SPECC1: variants seen among roughly 807,000 people sequenced by gnomAD.
The protein encoded by SPECC1 is cytospin-B.
In SPECC1, 62 loss-of-function variants were observed where a neutral mutation model predicts 104.1. That is an observed-to-expected ratio of 0.60 (90% CI 0.49 to 0.74). The LOEUF is 0.74. Among genes scored for constraint, SPECC1 ranks in the 30% least tolerant of loss-of-function variants. SPECC1 has a pLI of 0.00. For synonymous variants in SPECC1, 513 were observed against 501.6 expected, an observed-to-expected ratio of 1.02 and a Z score of -0.30; for missense variants, 1,306 against 1,310.5, an observed-to-expected ratio of 1.00 and a Z score of 0.05.
chr17:20,056,777 A>T (rs553017746), intron 1 of SPECC1: 1 of 152,248 alleles, frequency 6.6e-6, no homozygotes, highest in African/African-American at 2.4e-5. Flanking sequence ...AATCAATAGT[A>T]TGGGTAGAAG....
intron 12 of SPECC1, among the ~76,000 whole-genome samples, chr17:20,295,831 T>G (rs917084776): frequency 1.3e-5 from 2 of 152,244 alleles, no homozygotes; most frequent in African/African-American, 4.8e-5. Context: ...TTGAGCAGTT[T>G]CTGTTCATAT....
intron 12 of SPECC1, among the ~76,000 whole-genome samples, chr17:20,292,212 C>G (rs907081083): frequency 1.3e-5 from 2 of 152,076 alleles, no homozygotes; most frequent in Non-Finnish European, 2.9e-5. Context: ...AAACCAGACC[C>G]TCTGTTAGAG....
intron 12 of SPECC1, among the ~76,000 whole-genome samples, chr17:20,281,009 G>A (rs923097504): frequency 2.6e-5 from 4 of 152,170 alleles, no homozygotes; most frequent in South Asian, 2.1e-4. Context: ...AGGAAGGAGC[G>A]GGTCACAGTT....
chr17:20,211,314 T>G (rs774335304), intron 4 of SPECC1, among the ~76,000 whole-genome samples: 164 of 152,342 alleles, frequency 1.1e-3, no homozygotes, highest in Middle Eastern at 6.8e-3. Flanking sequence ...TGTGGCTTCA[T>G]GCTGGGAAGG....
chr17:20,141,179 C>G (rs1199286390), intron 3 of SPECC1, among the ~76,000 whole-genome samples: 12 of 152,222 alleles, frequency 7.9e-5, no homozygotes, highest in Non-Finnish European at 1.5e-5. Context: ...CTCCTTTCAA[C>G]AGGGCATGCT....
intron 4 of SPECC1, among the ~76,000 whole-genome samples, chr17:20,208,324 C>G (rs1369381345): frequency 6.6e-6 from 1 of 152,208 alleles, no homozygotes; most frequent in Non-Finnish European, 1.5e-5. Context: ...TGATTTTGTG[C>G]TGTCTTATGT....
intron 1 of SPECC1, among the ~76,000 whole-genome samples, chr17:20,041,352 C>T (rs1296419742): frequency 6.6e-6 from 1 of 151,980 alleles, no homozygotes; most frequent in East Asian, 1.9e-4. Flanking sequence ...AAGCGATTCT[C>T]CTGCCTCGGC....
intron 14 of SPECC1, among the ~76,000 whole-genome samples, chr17:20,309,874 A>G (rs1033690845): frequency 5.7e-5 from 8 of 141,586 alleles, no homozygotes; most frequent in Non-Finnish European, 9.0e-5. Context: ...ATAGAGTGCA[A>G]TGGTGCAATC....
At chr17:20,083,382 A>G (rs2047056705) in intron 1 of SPECC1, among the ~76,000 whole-genome samples, 1 of 152,180 alleles carries the variant, frequency 6.6e-6, no homozygotes, top group Non-Finnish European at 1.5e-5. Flanking sequence ...ACACCAAATC[A>G]CATTTGTCTT....
At chr17:20,121,972 C>T (rs1265116122) in intron 3 of SPECC1, among the ~76,000 whole-genome samples, 2 of 152,198 alleles carry the variant, frequency 1.3e-5, no homozygotes, top group African/African-American at 4.8e-5. Flanking sequence ...GGCAAAAGGA[C>T]TATATGAGTG....
chr17:20,055,266 T>A (rs1056337079), intron 1 of SPECC1, among the ~76,000 whole-genome samples: 1 of 34,312 alleles, frequency 2.9e-5, no homozygotes, highest in African/African-American at 1.1e-4. Flanking sequence ...AGAATTTCCT[T>A]TTTTTTTTTT....
At chr17:20,164,355 C>G (rs1359082477) in intron 3 of SPECC1, among the ~76,000 whole-genome samples, 1 of 151,720 alleles carries the variant, frequency 6.6e-6, no homozygotes, top group Non-Finnish European at 1.5e-5. Flanking sequence ...TTGGTGCAGA[C>G]GGGGTCTCAC....
At chr17:20,079,060 G>T (rs974906183) in intron 1 of SPECC1, among the ~76,000 whole-genome samples, 19 of 152,174 alleles carry the variant, frequency 1.2e-4, no homozygotes, top group Admixed American at 2.6e-4. Flanking sequence ...ACAAGAATTT[G>T]GTGGCAGTAT....
chr17:20,040,791 G>A (rs2045293158), intron 1 of SPECC1, among the ~76,000 whole-genome samples: 2 of 152,068 alleles, frequency 1.3e-5, no homozygotes, highest in Non-Finnish European at 1.5e-5. Flanking sequence ...GATGTATTTT[G>A]GTGTGGATTT....
intron 3 of SPECC1, among the ~76,000 whole-genome samples, chr17:20,118,093 A>T (rs766439198): frequency 6.6e-6 from 1 of 150,700 alleles, no homozygotes; most frequent in Non-Finnish European, 1.5e-5. Context: ...CAACAGTGAG[A>T]CCCTGTCTCA....
At chr17:20,206,050 C>G in intron 4 of SPECC1, 138 bp downstream of exon 4, 1 of 1,232,318 alleles carries the variant, frequency 8.1e-7, no homozygotes, top group Non-Finnish European at 1.1e-6. Flanking sequence ...GCTTGAAGGC[C>G]TGTTAGATTG....
At chr17:20,059,204 T>A (rs1263126944) in intron 1 of SPECC1, among the ~76,000 whole-genome samples, 2 of 151,986 alleles carry the variant, frequency 1.3e-5, no homozygotes, top group African/African-American at 4.8e-5. Context: ...TACAACTCAC[T>A]GTAATATAGA....
chr17:20,038,555 G>A (rs1186384859), intron 1 of SPECC1, among the ~76,000 whole-genome samples: 1 of 151,822 alleles, frequency 6.6e-6, no homozygotes, highest in East Asian at 1.9e-4. Context: ...TCCCGCCACT[G>A]CGCTTGGCTA....
intron 1 of SPECC1, among the ~76,000 whole-genome samples, chr17:20,046,872 G>T (rs1023088363): frequency 2.0e-4 from 27 of 138,220 alleles, no homozygotes; most frequent in African/African-American, 5.0e-4. Context: ...CACGTGGGGT[G>T]GGGGGTGGGA....
Sources: allele counts gnomAD v4.1 joint callset (sites outside exome capture counted in the v4.1 genomes callset), GRCh38; gene constraint gnomAD v4.1.1; transcripts MANE v1.5; gene names NCBI Gene and HGNC (gene_info 2026-07-23, HGNC 2026-07-21).